The following TBC1D32 variants were observed in gnomAD, a reference collection of about 807,000 sequenced individuals.
TBC1D32 encodes protein broad-minded.
A neutral mutation model predicts 170.3 loss-of-function variants in TBC1D32; 151 were observed. The observed-to-expected ratio is 0.89, with a 90% CI of 0.78 to 1.01. The LOEUF is 1.01. Ranked by LOEUF, TBC1D32 falls within the 50% of genes least tolerant of loss-of-function variation. TBC1D32 has a pLI of 0.00. For missense variants in TBC1D32, 1,464 were observed against 1,457.1 expected, an observed-to-expected ratio of 1.00 and a Z score of -0.08; for synonymous variants, 498 against 488.0, an observed-to-expected ratio of 1.02 and a Z score of -0.27.
chr6:121,130,105 T>C (rs1048720863), intron 25 of TBC1D32, among the ~76,000 whole-genome samples: 1 of 152,186 alleles, frequency 6.6e-6, no homozygotes, highest in Non-Finnish European at 1.5e-5. Flanking sequence ...CTAATGCTCA[T>C]TGCTAGAGAC....
In TBC1D32 at chr6:121,334,346, C is replaced by G. The variant is rs1811597343; in HGVS notation, c.85G>C (p.Gly29Arg). 6.2e-7 allele frequency: 1 copy of G among 1,614,166 alleles called. No homozygotes were observed. The highest frequency in any genetic ancestry group is 1.6e-4 in the Middle Eastern group (1 of 6,062). The part of the protein sequence containing the change: ...LFQSVKEKIT[G>R]APSLECAEEI... ...TCGGCACACTCCAGGGAAGGGGCAC[C>G]CGTGATTTTCTCCTTCACGCTCTGG... is the stretch of plus-strand genomic sequence containing the variant. The change falls in exon 1 of 32, where the codon GGT becomes CGT. Residue 29 changes from glycine (G) to arginine (R), a missense_variant. This residue lies in a region of TBC1D32 where 1,363 missense variants were observed against 1,338.1 expected (regional missense o/e 1.02). Transcript: ENST00000398212.
chr6:121,157,400 C>T (rs1562703266), intron 24 of TBC1D32, among the ~76,000 whole-genome samples: 1 of 152,088 alleles, frequency 6.6e-6, no homozygotes, highest in Non-Finnish European at 1.5e-5. Flanking sequence ...AGTGCCATTA[C>T]ATGTGAGATG....
chr6:121,277,523 A>G (rs1208787370), intron 15 of TBC1D32, among the ~76,000 whole-genome samples: 5 of 150,718 alleles, frequency 3.3e-5, no homozygotes, highest in Non-Finnish European at 7.4e-5. Flanking sequence ...ACAAGGGTCA[A>G]AGAAATCTCA....
chr6:121,106,934 C>G (rs955763744), intron 29 of TBC1D32, among the ~76,000 whole-genome samples: 1 of 151,604 alleles, frequency 6.6e-6, no homozygotes, highest in Admixed American at 6.6e-5. Flanking sequence ...CTGTGTATTA[C>G]TATAAAGCCA....
chr6:121,322,661 C>T (rs894639249), intron 1 of TBC1D32, among the ~76,000 whole-genome samples: 1 of 152,150 alleles, frequency 6.6e-6, no homozygotes, highest in Middle Eastern at 3.4e-3. Context: ...TTCCTGACCA[C>T]CTCTACACCT....
upstream of TBC1D32, chr6:121,334,511 A>G (rs1301070855): frequency 1.4e-6 from 2 of 1,460,926 alleles, no homozygotes; most frequent in Non-Finnish European, 1.8e-6. Flanking sequence ...GCGCACCCCC[A>G]CCCAGCCCCG....
intron 31 of TBC1D32, 123 bp downstream of exon 31, chr6:121,090,730 A>T (rs533788852): frequency 1.2e-6 from 1 of 827,308 alleles, no homozygotes; most frequent in African/African-American, 1.7e-5. Context: ...GGGGATGATA[A>T]TAGTATCTAC....
chr6:121,334,515 AGCCCCGGCTACGTGCG>A, upstream of TBC1D32: 1 of 1,457,070 alleles, frequency 6.9e-7, no homozygotes, highest in Non-Finnish European at 9.2e-7. Flanking sequence ...ACCCCCACCC[AGCCCCGGCTACGTGCG>A]GCGTCGTTCC....
intron 15 of TBC1D32, among the ~76,000 whole-genome samples, chr6:121,269,708 T>C (rs1038787389): frequency 6.6e-5 from 10 of 151,816 alleles, no homozygotes; most frequent in South Asian, 4.2e-4. Flanking sequence ...ATCAAAGAGA[T>C]AGAAAGTTAA....
At chr6:121,191,430 GT>G (rs751939872) in intron 22 of TBC1D32, among the ~76,000 whole-genome samples, 6 of 152,038 alleles carry the variant, frequency 3.9e-5, no homozygotes, top group Non-Finnish European at 8.8e-5. Flanking sequence ...TATACTTTAA[GT>G]TTTAGGAAGC....
chr6:121,212,698 T>G (rs1216811387), intron 21 of TBC1D32, among the ~76,000 whole-genome samples: 2 of 152,002 alleles, frequency 1.3e-5, no homozygotes, highest in Non-Finnish European at 2.9e-5. Flanking sequence ...AGACCTCAGG[T>G]GATCCACCTG....
chr6:121,205,340 G>GTC (rs1412846742), intron 21 of TBC1D32, among the ~76,000 whole-genome samples, 177 bp from the exon 22 acceptor site: 1 of 152,062 alleles, frequency 6.6e-6, no homozygotes, highest in Non-Finnish European at 1.5e-5. Context: ...TAATGCCTGG[G>GTC]TCCTAACCCT....
At chr6:121,126,066 A>G (rs1780810669) in intron 26 of TBC1D32, among the ~76,000 whole-genome samples, 1 of 152,214 alleles carries the variant, frequency 6.6e-6, no homozygotes, top group Non-Finnish European at 1.5e-5. Context: ...GAGATAGGTA[A>G]AACAGTATAA....
intron 20 of TBC1D32, among the ~76,000 whole-genome samples, chr6:121,238,678 A>G (rs1449003323): frequency 6.6e-6 from 1 of 152,084 alleles, no homozygotes; most frequent in East Asian, 1.9e-4. Context: ...AATATTCCTG[A>G]CAATTTTCTA....
intron 31 of TBC1D32, among the ~76,000 whole-genome samples, chr6:121,090,478 AT>A (rs1274426966): frequency 1.3e-4 from 20 of 152,214 alleles, no homozygotes; most frequent in Non-Finnish European, 2.8e-4. Flanking sequence ...TTAGAAAAAT[AT>A]AAAAATATGA....
chr6:121,135,644 A>C (rs1355377838), intron 24 of TBC1D32, among the ~76,000 whole-genome samples: 1 of 152,190 alleles, frequency 6.6e-6, no homozygotes, highest in East Asian at 1.9e-4. Flanking sequence ...ACTATTTGTC[A>C]AGTTGGCTGC....
intron 21 of TBC1D32, among the ~76,000 whole-genome samples, chr6:121,212,747 C>T (rs893754971): frequency 8.6e-5 from 13 of 151,942 alleles, no homozygotes; most frequent in Admixed American, 2.6e-4. Flanking sequence ...AGGTGTGAGC[C>T]ACCGCACCCA....
intron 15 of TBC1D32, among the ~76,000 whole-genome samples, chr6:121,267,373 G>A (rs1393849336): frequency 2.0e-5 from 3 of 152,106 alleles, no homozygotes; most frequent in Non-Finnish European, 4.4e-5. Context: ...CCTAGCCAAG[G>A]GAAGCTATGA....
intron 24 of TBC1D32, among the ~76,000 whole-genome samples, chr6:121,135,190 T>C (rs997899936): frequency 2.0e-5 from 3 of 152,054 alleles, no homozygotes; most frequent in Admixed American, 1.3e-4. Context: ...TAAGGGAAAA[T>C]GAAAGCTCCT....
Sources: gnomAD v4.1 joint callset for allele counts (sites outside exome capture counted in the v4.1 genomes callset) on GRCh38, gnomAD v4.1.1 for gene constraint, gnomAD v4.1.1 regional missense constraint, MANE v1.5 for transcripts, NCBI Gene and HGNC (gene_info 2026-07-23, HGNC 2026-07-21) for gene names.